TNS1: variants seen among roughly 807,000 people sequenced by gnomAD.
TNS1 encodes the protein tensin 1.
In TNS1, 62 loss-of-function variants were observed where a neutral mutation model predicts 168.6. The ratio of observed to expected loss-of-function variants is 0.37; its 90% CI spans 0.30 to 0.45. TNS1 has a LOEUF of 0.45. TNS1 is among the 20% of genes least tolerant of loss of function. The probability of loss-of-function intolerance (pLI) is 1.00; values close to 1 mark genes in which losing one functional copy is unlikely to be tolerated. For synonymous variants in TNS1, 934 were observed against 933.2 expected, an observed-to-expected ratio of 1.00 and a Z score of -0.02; for missense variants, 2,240 against 2,339.4, an observed-to-expected ratio of 0.96 and a Z score of 0.88.
intron 3 of TNS1, among the ~76,000 whole-genome samples, chr2:217,928,920 C>T (rs1195682440): frequency 2.6e-5 from 4 of 152,174 alleles, no homozygotes; most frequent in Non-Finnish European, 4.4e-5. Context: ...AAGAACCTCC[C>T]CACCTCTAAC....
chr2:217,843,669 A>G (rs1946277667), intron 19 of TNS1, among the ~76,000 whole-genome samples: 1 of 152,134 alleles, frequency 6.6e-6, no homozygotes, highest in Admixed American at 6.5e-5. Flanking sequence ...TCAGGCTGAC[A>G]CTGCTAATCT....
chr2:217,932,162 G>A (rs1655924272), intron 3 of TNS1, among the ~76,000 whole-genome samples: 1 of 152,172 alleles, frequency 6.6e-6, no homozygotes, highest in African/African-American at 2.4e-5. Flanking sequence ...AGCTCCATGA[G>A]ATCGTAACTC....
At chr2:218,004,021 G>A (rs1324652849), upstream of TNS1, among the ~76,000 whole-genome samples, 1 of 152,196 alleles carries the variant, frequency 6.6e-6, no homozygotes, top group African/African-American at 2.4e-5. Flanking sequence ...TTCATTGTCT[G>A]GAACCACCAC....
chr2:217,873,795 G>A (rs1949978913), intron 18 of TNS1, among the ~76,000 whole-genome samples: 1 of 152,186 alleles, frequency 6.6e-6, no homozygotes, highest in African/African-American at 2.4e-5. Flanking sequence ...AGAGAAGCCA[G>A]AGGGCATTCA....
At chr2:217,852,459 G>C (rs1947635134) in intron 18 of TNS1, among the ~76,000 whole-genome samples, 2 of 152,340 alleles carry the variant, frequency 1.3e-5, no homozygotes, top group South Asian at 4.1e-4. Flanking sequence ...GAAGTGGGGA[G>C]CTGCAAAGCA....
intron 1 of TNS1, among the ~76,000 whole-genome samples, chr2:218,031,126 C>CTGTG (rs146576163): frequency 1.2e-4 from 10 of 85,106 alleles, no homozygotes; most frequent in African/African-American, 4.3e-4. Context: ...GTGAGCATGT[C>CTGTG]TGTGTGTGTG....
intron 2 of TNS1, among the ~76,000 whole-genome samples, chr2:217,984,964 G>A (rs1460473152): frequency 6.6e-6 from 1 of 151,718 alleles, no homozygotes; most frequent in Non-Finnish European, 1.5e-5. Flanking sequence ...TCACCATGTT[G>A]GCAAGGCTGG....
intron 3 of TNS1, among the ~76,000 whole-genome samples, chr2:217,933,089 G>A (rs901027098): frequency 1.3e-5 from 2 of 152,160 alleles, no homozygotes; most frequent in Admixed American, 6.5e-5. Context: ...GAGGCTTGAC[G>A]CACAGCCAGC....
chr2:217,925,753 C>T (rs1955988442), intron 3 of TNS1, among the ~76,000 whole-genome samples: 1 of 152,106 alleles, frequency 6.6e-6, no homozygotes. Flanking sequence ...TTTCTAGAAA[C>T]TTTTCATCAT....
upstream of TNS1, among the ~76,000 whole-genome samples, chr2:218,014,858 GGGAAGGAAGGAC>G (rs1375114440): frequency 0.1 from 13,922 of 135,640 alleles, 926 homozygotes; most frequent in Middle Eastern, 0.14. Context: ...GATTGCAGGA[GGGAAGGAAGGAC>G]GGAAGGAAGG....
At chr2:217,979,997 G>T (rs1396291585) in intron 2 of TNS1, among the ~76,000 whole-genome samples, 3 of 152,146 alleles carry the variant, frequency 2.0e-5, no homozygotes, top group Non-Finnish European at 2.9e-5. Context: ...GCCCAGGGAG[G>T]CTCCGGGGTT....
At chr2:217,931,166 A>G (rs148621031) in intron 3 of TNS1, among the ~76,000 whole-genome samples, 1 of 152,276 alleles carries the variant, frequency 6.6e-6, no homozygotes, top group Non-Finnish European at 1.5e-5. Flanking sequence ...GAATTGTAAA[A>G]CAGCCCCAGT....
chr2:217,980,264 C>A (rs1461785768), intron 2 of TNS1, among the ~76,000 whole-genome samples: 2 of 152,132 alleles, frequency 1.3e-5, no homozygotes, highest in Non-Finnish European at 2.9e-5. Context: ...CACAGCAGGA[C>A]ATACTCCCCA....
chr2:217,949,412 T>C (rs929848250), intron 3 of TNS1, among the ~76,000 whole-genome samples: 1 of 152,226 alleles, frequency 6.6e-6, no homozygotes, highest in African/African-American at 2.4e-5. Flanking sequence ...CCTGGATTCC[T>C]TCAGGGAGCC....
In TNS1 at chr2:217,880,772, C is replaced by T. The variant is rs1014501899; in HGVS notation, c.1429+126G>A. 7.0e-6 allele frequency: 5 copies of T among 715,916 alleles called. No homozygotes were observed. The African/African-American group carries it at 8.8e-5, about 13-fold the overall frequency. The allele number at this position is 715,916 out of a possible 1,614,324, so 44.3% of individuals were successfully genotyped here. On this transcript the variant is annotated intron_variant, in intron 18 of 32. Coordinates refer to ENST00000682258, the MANE Select transcript of TNS1 (RefSeq NM_001387777.1). The surrounding 1 kb of genome is among the most constrained non-coding windows in gnomAD (Gnocchi z 4.2). ...AGTTAACGGTGAGCTCTCGGAGGTACCTCACACTTCCCCTCTGCCTCCTCT... is the reference window on the plus strand; with the variant it reads ...AGTTAACGGTGAGCTCTCGGAGGTATCTCACACTTCCCCTCTGCCTCCTCT...
chr2:217,921,888 G>A (rs931014432), intron 3 of TNS1, among the ~76,000 whole-genome samples: 11 of 152,152 alleles, frequency 7.2e-5, no homozygotes, highest in South Asian at 2.1e-4. Flanking sequence ...TGCGGTGCGC[G>A]GGGCATGGAT....
chr2:217,945,648 C>A (rs1957085809), intron 3 of TNS1, among the ~76,000 whole-genome samples: 2 of 152,154 alleles, frequency 1.3e-5, no homozygotes, highest in Admixed American at 1.3e-4. Context: ...TGGATGCTGT[C>A]CACAAATGGC....
At chr2:217,955,057 G>A (rs1212106934) in intron 3 of TNS1, among the ~76,000 whole-genome samples, 3 of 152,236 alleles carry the variant, frequency 2.0e-5, no homozygotes, top group African/African-American at 7.2e-5. Context: ...TGTCTGGGCA[G>A]CCAGAGCCGG....
At chr2:218,026,215 T>A (rs539716803) in intron 1 of TNS1, among the ~76,000 whole-genome samples, 23 of 152,228 alleles carry the variant, frequency 1.5e-4, no homozygotes, top group Non-Finnish European at 2.9e-4. Context: ...TTACATAAGA[T>A]CTTCATCAAC....
Sources: gnomAD v4.1 joint callset for allele counts (sites outside exome capture counted in the v4.1 genomes callset) on GRCh38, gnomAD v4.1.1 for gene constraint, Gnocchi (gnomAD v3.1) non-coding constraint, MANE v1.5 for transcripts, NCBI Gene and HGNC (gene_info 2026-07-23, HGNC 2026-07-21) for gene names.